Variants in DMD observed in about 807,000 individuals in gnomAD.
DMD encodes the protein mutant dystrophin.
DMD carries 63 observed loss-of-function variants against 330.1 expected under a neutral mutation model. That is an observed-to-expected ratio of 0.19 (90% CI 0.16 to 0.24). The LOEUF (loss-of-function observed/expected upper bound fraction) is 0.24. Ranked by LOEUF, DMD falls within the 10% of genes least tolerant of loss-of-function variation. The pLI, the probability that DMD is intolerant of heterozygous loss-of-function variation, is 1.00. For synonymous variants in DMD, 1,223 were observed against 959.8 expected (o/e 1.27, Z -5.07); for missense variants, 3,344 against 2,684.1 (o/e 1.25, Z -5.43).
chrX:32,573,470 A>C, intron 15 of DMD, 60 bp downstream of exon 15: 6 of 885,294 alleles, frequency 6.8e-6, no homozygotes, highest in Non-Finnish European at 1.0e-5. Flanking sequence ...AGACTAAATA[A>C]TAGTGATAAT....
intron 44 of DMD, among the ~76,000 whole-genome samples, chrX:32,130,599 C>T (rs1443951120): frequency 1.3e-5 from 1 of 76,888 alleles, no homozygotes; most frequent in African/African-American, 4.2e-5. Context: ...TGCCAGATCT[C>T]TCCCTTCATC....
chrX:31,416,883 T>A (rs1023177960), intron 60 of DMD, among the ~76,000 whole-genome samples: 4 of 112,231 alleles, frequency 3.6e-5, no homozygotes, highest in African/African-American at 1.3e-4. Flanking sequence ...AAGAGGGTCT[T>A]CTGCACAACG....
intron 7 of DMD, among the ~76,000 whole-genome samples, chrX:32,775,096 G>A (rs935949370): frequency 3.6e-5 from 4 of 112,553 alleles, no homozygotes; most frequent in African/African-American, 1.3e-4. Flanking sequence ...AAATCTTAAA[G>A]CTCCCAAATC....
chrX:31,576,804 A>C (rs781316857), intron 55 of DMD, among the ~76,000 whole-genome samples: 1 of 108,185 alleles, frequency 9.2e-6, no homozygotes, highest in Non-Finnish European at 1.9e-5. Flanking sequence ...GCTGGAGTGC[A>C]GTGGTGCAAT....
intron 61 of DMD, among the ~76,000 whole-genome samples, chrX:31,341,891 G>GCGCGCGCACACACACACACACACACACA (rs374298104): frequency 1.0e-5 from 1 of 98,876 alleles, no homozygotes; most frequent in Non-Finnish European, 2.0e-5. Flanking sequence ...GTGCGCGCGC[G>GCGCGCGCACACACACACACACACACACA]CACACACACA....
At chrX:33,134,964 C>T (rs142034157) in intron 1 of DMD, among the ~76,000 whole-genome samples, 115 of 111,389 alleles carry the variant, frequency 1.0e-3, no homozygotes, top group African/African-American at 3.6e-3. Flanking sequence ...AAAATAAGTC[C>T]AGTTCAGTAG....
At chrX:32,313,819 A>T (rs2097573258) in intron 41 of DMD, among the ~76,000 whole-genome samples, 1 of 111,169 alleles carries the variant, frequency 9.0e-6, no homozygotes, top group Admixed American at 9.6e-5. Context: ...AGAATAAAAT[A>T]CCTAGGAATA....
At chrX:32,176,689 T>TGTGAGTCACTTGTGACATGAA (rs1296850180) in intron 44 of DMD, among the ~76,000 whole-genome samples, 1 of 111,048 alleles carries the variant, frequency 9.0e-6, no homozygotes, top group African/African-American at 3.3e-5. Flanking sequence ...CAAGTGACCT[T>TGTGAGTCACTTGTGACATGAA]GTGAGTCACT....
intron 60 of DMD, among the ~76,000 whole-genome samples, chrX:31,367,827 C>A (rs937441379): frequency 3.6e-5 from 4 of 111,737 alleles, no homozygotes. Context: ...GTTCTCCATA[C>A]TCCTCCAATG....
chrX:33,153,813 T>C (rs368108527), intron 1 of DMD, among the ~76,000 whole-genome samples: 4 of 112,188 alleles, frequency 3.6e-5, no homozygotes, highest in African/African-American at 1.3e-4. Flanking sequence ...CTTGAAAAGA[T>C]AGCATAGATA....
At chrX:31,912,928 T>C (rs763621538) in intron 47 of DMD, among the ~76,000 whole-genome samples, 33 of 112,848 alleles carry the variant, frequency 2.9e-4, no homozygotes, top group Non-Finnish European at 6.0e-4. Context: ...TCTTTGAAGA[T>C]TGGTGCTTGT....
At chrX:33,305,510 A>G (rs1268244671) in intron 1 of DMD, among the ~76,000 whole-genome samples, 2 of 104,929 alleles carry the variant, frequency 1.9e-5, no homozygotes, top group East Asian at 6.1e-4. Context: ...TGGCACATGT[A>G]TACATACGTA....
At chrX:32,671,543 AATC>A (rs2061635860) in intron 9 of DMD, among the ~76,000 whole-genome samples, 1 of 112,070 alleles carries the variant, frequency 8.9e-6, no homozygotes, top group Non-Finnish European at 1.9e-5. Flanking sequence ...AAAATATTAT[AATC>A]ATTTTCTGCC....
intron 20 of DMD, among the ~76,000 whole-genome samples, chrX:32,490,106 C>A (rs1260247029): frequency 1.8e-5 from 2 of 111,803 alleles, no homozygotes; most frequent in East Asian, 2.8e-4. Context: ...GGGTCCAATA[C>A]CTTTTCTAAA....
At chrX:32,458,376 C>T (rs924868752) in intron 25 of DMD, among the ~76,000 whole-genome samples, 1 of 111,752 alleles carries the variant, frequency 8.9e-6, no homozygotes, top group Non-Finnish European at 1.9e-5. Flanking sequence ...TATGCATATA[C>T]CATGTTTTAT....
At chrX:33,221,252 C>A (rs2052169877) in intron 1 of DMD, among the ~76,000 whole-genome samples, 1 of 111,403 alleles carries the variant, frequency 9.0e-6, no homozygotes, top group Admixed American at 9.6e-5. Flanking sequence ...ATAGATTATA[C>A]CTTGGGTATA....
At chrX:32,389,135 C>T (rs1401555309) in intron 32 of DMD, among the ~76,000 whole-genome samples, 1 of 111,646 alleles carries the variant, frequency 9.0e-6, no homozygotes, top group East Asian at 2.8e-4. Flanking sequence ...CTGTATGTCA[C>T]GTAGTTTACC....
At chrX:31,488,609 C>T (rs1225168776) in intron 57 of DMD, among the ~76,000 whole-genome samples, 2 of 111,631 alleles carry the variant, frequency 1.8e-5, no homozygotes, top group African/African-American at 6.5e-5. Context: ...TCTTTGCTTC[C>T]TCTCAAACTC....
At chrX:32,543,917 GATAA>G (rs1223928716) in intron 17 of DMD, among the ~76,000 whole-genome samples, 4 of 112,110 alleles carry the variant, frequency 3.6e-5, no homozygotes, top group South Asian at 3.7e-4. Flanking sequence ...AATCATAAGT[GATAA>G]ATAAATGAGT....
Sources: gnomAD v4.1 joint callset for allele counts (sites outside exome capture counted in the v4.1 genomes callset) on GRCh38, gnomAD v4.1.1 for gene constraint, MANE v1.5 for transcripts, NCBI Gene and HGNC (gene_info 2026-07-23, HGNC 2026-07-21) for gene names.